Variants in ACTR3C observed in about 807,000 individuals in gnomAD.
ACTR3C encodes the protein actin-related protein 3C.
ACTR3C carries 18 observed loss-of-function variants against 26.3 expected under a neutral mutation model. The observed-to-expected ratio is 0.68, with a 90% CI of 0.47 to 1.01. The LOEUF is 1.01. ACTR3C is among the 50% of genes least tolerant of loss of function. The pLI is 0.00. For synonymous variants in ACTR3C, 55 were observed against 94.5 expected (o/e 0.58, Z 2.42); for missense variants, 184 against 250.7 (o/e 0.73, Z 1.80).
the ACTR3C span, among the ~76,000 whole-genome samples, chr7:150,165,789 C>G: frequency 0.084 from 12,618 of 149,554 alleles, 2,585 homozygotes; most frequent in African/African-American, 0.31. Context: ...CTCTGTACAC[C>G]TGCTGTCTTT....
chr7:150,117,369 CGACATGG>C, the ACTR3C span, among the ~76,000 whole-genome samples: 2 of 152,194 alleles, frequency 1.3e-5, no homozygotes, highest in Admixed American at 6.5e-5. Context: ...CATCTGAAGT[CGACATGG>C]GATGCTCGAG....
the ACTR3C span, among the ~76,000 whole-genome samples, chr7:150,227,068 T>C: frequency 7.4e-5 from 11 of 148,590 alleles, no homozygotes; most frequent in African/African-American, 2.3e-4. Context: ...TATATATACA[T>C]TGTAGAAAGA....
chr7:149,975,506 G>A, the ACTR3C span, among the ~76,000 whole-genome samples: 1 of 151,838 alleles, frequency 6.6e-6, no homozygotes, highest in African/African-American at 2.4e-5. Flanking sequence ...AGCAAAAGAA[G>A]AGCAAGCTAA....
chr7:149,981,631 C>A, the ACTR3C span, among the ~76,000 whole-genome samples: 5 of 150,776 alleles, frequency 3.3e-5, no homozygotes, highest in African/African-American at 1.2e-4. Flanking sequence ...GGGGGGACAG[C>A]ACCTCCCATA....
chr7:149,964,180 T>C, the ACTR3C span, among the ~76,000 whole-genome samples: 1 of 152,170 alleles, frequency 6.6e-6, no homozygotes, highest in Non-Finnish European at 1.5e-5. Context: ...GTTTCACGTG[T>C]GGCATCTCCT....
the ACTR3C span, among the ~76,000 whole-genome samples, chr7:150,122,849 C>A: frequency 6.6e-6 from 1 of 151,236 alleles, no homozygotes; most frequent in Non-Finnish European, 1.5e-5. Flanking sequence ...AAATGCCCAT[C>A]AATGACAGAC....
the ACTR3C span, among the ~76,000 whole-genome samples, chr7:150,028,780 C>A: frequency 3.9e-5 from 6 of 152,286 alleles, no homozygotes; most frequent in Non-Finnish European, 8.8e-5. Context: ...TGTGCTCCTG[C>A]CAAAGCCACC....
the ACTR3C span, among the ~76,000 whole-genome samples, chr7:150,009,740 G>A: frequency 1.1e-4 from 17 of 152,302 alleles, no homozygotes; most frequent in African/African-American, 3.6e-4. Context: ...AGAGAAGAAC[G>A]ATCACTCACT....
chr7:149,903,725 G>A, the ACTR3C span, among the ~76,000 whole-genome samples: 1 of 150,580 alleles, frequency 6.6e-6, no homozygotes, highest in Non-Finnish European at 1.5e-5. Context: ...TTTATTTCTG[G>A]TAGAGACAGG....
chr7:150,258,696 T>G (rs1291277404), intron 6 of ACTR3C, among the ~76,000 whole-genome samples: 3 of 151,310 alleles, frequency 2.0e-5, no homozygotes, highest in African/African-American at 7.3e-5. Context: ...TCTGCCAAAA[T>G]AGTAAGTAAA....
At chr7:150,039,202 C>G in the ACTR3C span, among the ~76,000 whole-genome samples, 4 of 146,642 alleles carry the variant, frequency 2.7e-5, no homozygotes, top group African/African-American at 7.7e-5. Flanking sequence ...GGGTGCCTCC[C>G]ACCTCTGCGA....
the ACTR3C span, among the ~76,000 whole-genome samples, chr7:149,941,880 G>A: frequency 3.3e-5 from 5 of 152,104 alleles, no homozygotes; most frequent in African/African-American, 4.8e-5. Context: ...GGCAAGGATC[G>A]AGGGATTGTA....
chr7:149,970,392 G>T, the ACTR3C span, among the ~76,000 whole-genome samples: 1 of 152,062 alleles, frequency 6.6e-6, no homozygotes, highest in African/African-American at 2.4e-5. Context: ...ATGTTTAGCT[G>T]ATCTACCAAG....
At chr7:149,975,125 A>G in the ACTR3C span, among the ~76,000 whole-genome samples, 1 of 152,198 alleles carries the variant, frequency 6.6e-6, no homozygotes, top group Admixed American at 6.5e-5. Context: ...CATTCTCTAA[A>G]ATAGACTGTA....
chr7:149,899,534 T>C, the ACTR3C span, among the ~76,000 whole-genome samples: 3 of 138,472 alleles, frequency 2.2e-5, no homozygotes, highest in Non-Finnish European at 3.2e-5. Flanking sequence ...AAAGAAACAC[T>C]GAACTTGAAG....
At chr7:150,272,302 G>C (rs2530946) in intron 6 of ACTR3C, among the ~76,000 whole-genome samples, 5,033 of 139,232 alleles carry the variant, frequency 0.036, 1,444 homozygotes, top group African/African-American at 0.15. Flanking sequence ...CAGGAGAGAA[G>C]AGACTGTCCC....
the ACTR3C span, among the ~76,000 whole-genome samples, chr7:150,036,193 G>T: frequency 1.4e-5 from 2 of 142,846 alleles, no homozygotes; most frequent in Non-Finnish European, 3.2e-5. Flanking sequence ...CAAGAGCCAG[G>T]GGGGAAGAGG....
the ACTR3C span, among the ~76,000 whole-genome samples, chr7:149,970,471 C>G: frequency 6.6e-6 from 1 of 152,136 alleles, no homozygotes; most frequent in Non-Finnish European, 1.5e-5. Context: ...TAGCAAATGA[C>G]AAGCCCTCAT....
intron 6 of ACTR3C, among the ~76,000 whole-genome samples, chr7:150,267,738 G>A (rs1217242717): frequency 6.6e-6 from 1 of 152,126 alleles, no homozygotes; most frequent in Non-Finnish European, 1.5e-5. Context: ...ATCCACTGGG[G>A]GTCTTGGGAC....
Sources: allele counts gnomAD v4.1 joint callset (sites outside exome capture counted in the v4.1 genomes callset), GRCh38; gene constraint gnomAD v4.1.1; transcripts MANE v1.5; gene names NCBI Gene and HGNC (gene_info 2026-07-23, HGNC 2026-07-21).